Variants in TEX14 observed in about 807,000 individuals in gnomAD.
TEX14 encodes inactive serine/threonine-protein kinase TEX14.
TEX14 carries 168 observed loss-of-function variants against 178.6 expected under a neutral mutation model. That is an observed-to-expected ratio of 0.94 (90% CI 0.83 to 1.07). The LOEUF (loss-of-function observed/expected upper bound fraction) is 1.07. Ranked by LOEUF, TEX14 falls within the 50% of genes least tolerant of loss-of-function variation. The probability of loss-of-function intolerance (pLI) is 0.00; values close to 1 mark genes in which losing one functional copy is unlikely to be tolerated. For synonymous variants in TEX14, 626 were observed against 634.1 expected (o/e 0.99, Z 0.19); for missense variants, 1,730 against 1,753.6 (o/e 0.99, Z 0.24).
chr17:58,577,732 A>C lies in TEX14; in HGVS notation c.3239-276T>G, dbSNP rs138303804. ...TTACTGGCCTTTCAGTTATAACCAC[A>C]GTTATTTCTGAAGACAAATGTTGTT... On this transcript the variant is annotated intron_variant, in intron 20 of 31. Coordinates refer to ENST00000349033, the MANE Select transcript of TEX14 (RefSeq NM_031272.5). Among the ~76,000 whole-genome samples, 461 of 152,296 alleles carry C rather than the reference A, an allele frequency of 3.0e-3. 1 individual carries two copies. The highest frequency in any genetic ancestry group is 0.01 in the African/African-American group (432 of 41,558).
In TEX14 at chr17:58,613,518, T is replaced by G. The variant is rs771866719; in HGVS notation, c.908A>C (p.Gln303Pro). Residue 303 changes from glutamine (Q) to proline (P), a missense_variant, in exon 9 of 32, where the codon CAG (glutamine) becomes CCG (proline). Transcript: ENST00000349033. ...SSKLRHPYLLQLMAVCLSQDL... is the reference protein window; with the variant it reads ...SSKLRHPYLLPLMAVCLSQDL... ...CTGGGAGAGACACACAGCCATCAAC[T>G]GTAGCAAGTAGGGGTGCCGCAGCTT... 1.2e-6 allele frequency: 2 copies of G among 1,614,154 alleles called. No individual in the cohort carries two copies. Among genetic ancestry groups the G allele is most frequent in the Non-Finnish European group, 1.7e-6 (2 of 1,180,010 alleles).
intron 1 of TEX14, among the ~76,000 whole-genome samples, chr17:58,669,501 G>A (rs1003913943): frequency 3.3e-5 from 5 of 151,442 alleles, no homozygotes; most frequent in Admixed American, 3.3e-4. Flanking sequence ...CGGAGGCCGA[G>A]GTTAAGTGGA....
intron 2 of TEX14, among the ~76,000 whole-genome samples, chr17:58,640,283 G>C (rs1021764415): frequency 6.6e-6 from 1 of 150,650 alleles, no homozygotes; most frequent in Non-Finnish European, 1.5e-5. Context: ...TCCAGGCTGG[G>C]TGACACAGCG....
At position 58,569,939 on chromosome 17, in the gene TEX14, T is replaced by C. The variant is rs1598345826; in HGVS notation, c.3817+446A>G. On this transcript the variant is annotated intron_variant, in intron 25 of 31. Coordinates refer to ENST00000349033, the MANE Select transcript of TEX14 (RefSeq NM_031272.5). The surrounding 1 kb of genome is among the most constrained non-coding windows in gnomAD (Gnocchi z 4.1). ...AGAGGTACAGATAAAAATTTATGTA[T>C]AAAGAGCAAAAATTGGAAAATGATA... is the stretch of plus-strand genomic sequence containing the variant. Among the ~76,000 whole-genome samples the C allele has an allele frequency of 6.6e-6, 1 of 152,086 alleles. No homozygotes were observed. Among genetic ancestry groups the C allele is most frequent in the African/African-American group, 2.4e-5 (1 of 41,408 alleles).
rs754993247 is a variant in TEX14, at chr17:58,617,488, G to C, written c.636+50C>G. The C allele has an allele frequency of 2.9e-6, 4 of 1,386,404 alleles. No homozygotes were observed. The East Asian group carries it at 9.2e-5, about 32-fold the overall frequency. 85.9% of individuals were successfully genotyped at this position (1,386,404 alleles called of 1,614,324 possible). A position where few individuals can be genotyped will look rare whatever the true frequency, so the allele number is the denominator to read the frequency against. ...ACAAAGGTGGGAGATGGGGCCCGAT[G>C]ATTCTCCAGTTAGTCCTGCAAACAC... is the stretch of plus-strand genomic sequence containing the variant. On this transcript the variant is annotated intron_variant, in intron 6 of 31. Coordinates refer to ENST00000349033, the MANE Select transcript of TEX14 (RefSeq NM_031272.5).
At chr17:58,567,417 C>T (rs2044424947) in intron 26 of TEX14, among the ~76,000 whole-genome samples, 1 of 152,016 alleles carries the variant, frequency 6.6e-6, no homozygotes, top group African/African-American at 2.4e-5. Context: ...GTCAAGGGTC[C>T]CCATAAGATC....
At chr17:58,656,813 C>T (rs1301667192) in intron 1 of TEX14, among the ~76,000 whole-genome samples, 1 of 148,832 alleles carries the variant, frequency 6.7e-6, no homozygotes, top group East Asian at 2.0e-4. Context: ...GTCCCAGCTA[C>T]TCAAGAGGCT....
chr17:58,663,966 T>G (rs2047163475), intron 1 of TEX14, among the ~76,000 whole-genome samples: 1 of 152,094 alleles, frequency 6.6e-6, no homozygotes, highest in Non-Finnish European at 1.5e-5. Context: ...TCACCTGAGT[T>G]TGGGAAGGTG....
chr17:58,625,068 T>A (rs2046102835), intron 3 of TEX14, among the ~76,000 whole-genome samples: 2 of 151,966 alleles, frequency 1.3e-5, no homozygotes, highest in African/African-American at 4.8e-5. Flanking sequence ...AATCACAATA[T>A]CCTCCTTGCT....
chr17:58,593,770 A>G, intron 14 of TEX14, 109 bp from the exon 15 acceptor site: 1 of 884,994 alleles, frequency 1.1e-6, no homozygotes, highest in Non-Finnish European at 1.8e-6. Flanking sequence ...AAATAACCAG[A>G]CCTACCAGGA....
intron 10 of TEX14, among the ~76,000 whole-genome samples, chr17:58,607,030 A>G (rs1488444186): frequency 6.6e-6 from 1 of 151,290 alleles, no homozygotes; most frequent in Non-Finnish European, 1.5e-5. Flanking sequence ...AAAAAAAAAA[A>G]AAAAAAGGAA....
intron 1 of TEX14, among the ~76,000 whole-genome samples, chr17:58,690,304 C>A (rs1026417486): frequency 6.6e-6 from 1 of 152,018 alleles, no homozygotes; most frequent in Non-Finnish European, 1.5e-5. Flanking sequence ...GTAGCTGGGA[C>A]TAGAGGCATG....
intron 1 of TEX14, among the ~76,000 whole-genome samples, chr17:58,655,014 C>T (rs1046611200): frequency 1.3e-5 from 2 of 148,438 alleles, no homozygotes; most frequent in Non-Finnish European, 3.0e-5. Flanking sequence ...TAACCAGTTG[C>T]AGAAATAAAC....
At position 58,622,890 on chromosome 17, in the gene TEX14, G is replaced by C. The variant is rs535296987; in HGVS notation, c.374C>G (p.Pro125Arg). ...TCCTGCTGTCAAAGCCCAAGTCTTC[G>C]GGTTTTGACCCCTCTCATCGTGGAG... ...LRLHDERGQNPKTWALTAGKE... is the reference protein window; with the variant it reads ...LRLHDERGQNRKTWALTAGKE... Residue 125 changes from proline to arginine, a missense_variant, in exon 4 of 32, where the codon CCG becomes CGG. By Grantham distance (103) the Pro-to-Arg change is moderately radical. This residue lies in a region of TEX14 where 789 missense variants were observed against 681.2 expected (regional missense o/e 1.16). Coordinates refer to ENST00000349033, the MANE Select transcript of TEX14 (RefSeq NM_031272.5). 19 of 1,612,370 alleles carry C rather than the reference G, an allele frequency of 1.2e-5. No individual in the cohort carries two copies. Among genetic ancestry groups the C allele is most frequent in the Non-Finnish European group, 1.6e-5 (19 of 1,178,818 alleles).
chr17:58,637,305 A>C (rs1023178705), intron 2 of TEX14, among the ~76,000 whole-genome samples: 1 of 152,094 alleles, frequency 6.6e-6, no homozygotes, highest in Non-Finnish European at 1.5e-5. Context: ...AGCTTCTAAA[A>C]CTCTTTGAAC....
At chr17:58,631,655 C>T (rs1191507170) in intron 2 of TEX14, 1 of 151,826 alleles carries the variant, frequency 6.6e-6, no homozygotes, top group Non-Finnish European at 1.5e-5. Flanking sequence ...CTCAGACTGC[C>T]TTCTCTAGAG....
intron 2 of TEX14, 142 bp from the exon 3 acceptor site, chr17:58,630,696 G>A: frequency 3.3e-6 from 2 of 597,598 alleles, no homozygotes. Flanking sequence ...GTACAAAGAA[G>A]GTCTTCATTA....
At chr17:58,657,277 G>C (rs1466981011) in intron 1 of TEX14, among the ~76,000 whole-genome samples, 1 of 151,916 alleles carries the variant, frequency 6.6e-6, no homozygotes, top group African/African-American at 2.4e-5. Flanking sequence ...GCCCAAATCT[G>C]GTTTTAGAAT....
chr17:58,583,399 G>C (rs968935032), intron 19 of TEX14, among the ~76,000 whole-genome samples: 1 of 152,142 alleles, frequency 6.6e-6, no homozygotes, highest in African/African-American at 2.4e-5. Flanking sequence ...CCAAAGGGCT[G>C]GGATTACAGG....
Sources: gnomAD v4.1 joint callset for allele counts (sites outside exome capture counted in the v4.1 genomes callset) on GRCh38, gnomAD v4.1.1 for gene constraint, gnomAD v4.1.1 regional missense constraint, Gnocchi (gnomAD v3.1) non-coding constraint, MANE v1.5 for transcripts, NCBI Gene and HGNC (gene_info 2026-07-23, HGNC 2026-07-21) for gene names.